STK39: variants seen among roughly 807,000 people sequenced by gnomAD.
STK39 encodes STE20/SPS1-related proline-alanine-rich protein kinase.
STK39 carries 20 observed loss-of-function variants against 77.8 expected under a neutral mutation model. The observed-to-expected ratio is 0.26, with a 90% CI of 0.18 to 0.37. The LOEUF (loss-of-function observed/expected upper bound fraction) is 0.37. Among genes scored for constraint, STK39 ranks in the 10% least tolerant of loss-of-function variants. The pLI is 1.00. For missense variants in STK39, 479 were observed against 656.5 expected (o/e 0.73, Z 2.95); for synonymous variants, 246 against 234.1 (o/e 1.05, Z -0.47).
chr2:168,040,705 G>C (rs1685081252), intron 14 of STK39, among the ~76,000 whole-genome samples: 1 of 152,028 alleles, frequency 6.6e-6, no homozygotes, highest in Non-Finnish European at 1.5e-5. Context: ...CAAGCATATG[G>C]CATCTTCATA....
chr2:168,025,328 T>C (rs571680369), intron 14 of STK39, among the ~76,000 whole-genome samples: 1 of 152,350 alleles, frequency 6.6e-6, no homozygotes, highest in Non-Finnish European at 1.5e-5. Flanking sequence ...AAACGGAATG[T>C]ATCACTTTTC....
chr2:168,065,270 G>T, intron 13 of STK39, 49 bp downstream of exon 13: 2 of 1,593,734 alleles, frequency 1.3e-6, no homozygotes, highest in Admixed American at 1.7e-5. Flanking sequence ...TTTTTTAAAG[G>T]ATCTGTCTAC....
chr2:168,202,946 G>A (rs1279124248), intron 1 of STK39, among the ~76,000 whole-genome samples: 2 of 152,138 alleles, frequency 1.3e-5, no homozygotes, highest in Non-Finnish European at 2.9e-5. Context: ...TGCTGCCATG[G>A]AGGTTACAGA....
At chr2:167,986,759 C>T (rs79687838) in intron 16 of STK39, among the ~76,000 whole-genome samples, 4,782 of 152,202 alleles carry the variant, frequency 0.031, 245 homozygotes, top group East Asian at 0.21. Context: ...AGGTAGCTTC[C>T]TACCCATGTA....
chr2:168,103,337 T>C (rs939173129), intron 10 of STK39, among the ~76,000 whole-genome samples: 1 of 152,214 alleles, frequency 6.6e-6, no homozygotes, highest in African/African-American at 2.4e-5. Flanking sequence ...CTCGAATCTT[T>C]TCTGAAATAG....
chr2:168,030,293 A>AT (rs143840248), intron 14 of STK39, among the ~76,000 whole-genome samples: 1 of 151,826 alleles, frequency 6.6e-6, no homozygotes, highest in Non-Finnish European at 1.5e-5. Flanking sequence ...GGAAGAAGTA[A>AT]TTTTTTTTGC....
At chr2:168,058,056 CTA>C (rs1364607851) in intron 14 of STK39, among the ~76,000 whole-genome samples, 2 of 152,156 alleles carry the variant, frequency 1.3e-5, no homozygotes, top group African/African-American at 4.8e-5. Flanking sequence ...TCTCATTGAG[CTA>C]TCACTCCACA....
intron 1 of STK39, among the ~76,000 whole-genome samples, chr2:168,234,498 G>A (rs1690547285): frequency 6.6e-6 from 1 of 152,094 alleles, no homozygotes; most frequent in Non-Finnish European, 1.5e-5. Context: ...CCGCATAAGG[G>A]ACCACCTCTC....
chr2:168,247,568 G>GT lies in STK39; in HGVS notation c.-134_-133insA. ...GCCCGCCGCCGCCGCCGCCGTCCCC[G>GT]CCGAAGCCAGCTAGGAGGGGAGGGA... On this transcript the variant is annotated 5_prime_UTR_variant, in exon 1 of 18. Transcript: ENST00000355999. 1 of 694,948 alleles carries GT rather than the reference G, an allele frequency of 1.4e-6. No individual in the cohort carries two copies. Among genetic ancestry groups the GT allele is most frequent in the Non-Finnish European group, 1.9e-6 (1 of 537,358 alleles). The allele number at this position is 694,948 out of a possible 1,614,324, so 43.0% of individuals were successfully genotyped here. A position where few individuals can be genotyped will look rare whatever the true frequency, so the allele number is the denominator to read the frequency against.
intron 17 of STK39, among the ~76,000 whole-genome samples, chr2:167,961,834 T>C (rs1176495754): frequency 6.6e-6 from 1 of 152,206 alleles, no homozygotes; most frequent in Non-Finnish European, 1.5e-5. Flanking sequence ...TAAGAATATC[T>C]GTCGTAAGAC....
chr2:167,969,040 C>T (rs756302076), intron 16 of STK39, among the ~76,000 whole-genome samples: 4 of 152,128 alleles, frequency 2.6e-5, no homozygotes, highest in South Asian at 2.1e-4. Flanking sequence ...CCTTCCTGAA[C>T]GAAGTTCACT....
intron 1 of STK39, among the ~76,000 whole-genome samples, chr2:168,212,927 A>C (rs1207886620): frequency 6.6e-6 from 1 of 152,222 alleles, no homozygotes; most frequent in Non-Finnish European, 1.5e-5. Flanking sequence ...ATAAAGCAGA[A>C]GAGTATAGAC....
intron 14 of STK39, among the ~76,000 whole-genome samples, chr2:168,049,431 T>G (rs1399971083): frequency 6.6e-6 from 1 of 152,182 alleles, no homozygotes; most frequent in African/African-American, 2.4e-5. Flanking sequence ...TATCTGCCAA[T>G]CAATATTTCT....
intron 14 of STK39, among the ~76,000 whole-genome samples, chr2:168,032,760 G>T (rs17780260): frequency 6.6e-6 from 1 of 151,972 alleles, no homozygotes; most frequent in Non-Finnish European, 1.5e-5. Flanking sequence ...GTGCCCCTGC[G>T]ACTGGAGAGA....
intron 16 of STK39, among the ~76,000 whole-genome samples, chr2:168,010,279 C>G (rs1387408670): frequency 6.6e-6 from 1 of 152,172 alleles, no homozygotes; most frequent in Non-Finnish European, 1.5e-5. Flanking sequence ...CCTGATCTAG[C>G]CATTAATTAA....
chr2:168,235,182 C>T (rs1690568030), intron 1 of STK39, among the ~76,000 whole-genome samples: 1 of 152,002 alleles, frequency 6.6e-6, no homozygotes, highest in African/African-American at 2.4e-5. Context: ...GGATTACAGG[C>T]ATGTGCCACC....
intron 10 of STK39, among the ~76,000 whole-genome samples, chr2:168,124,459 G>A (rs985068384): frequency 2.6e-5 from 4 of 152,164 alleles, no homozygotes; most frequent in Non-Finnish European, 5.9e-5. Context: ...AGAGTGCAGT[G>A]TCACGATCCT....
intron 16 of STK39, among the ~76,000 whole-genome samples, chr2:168,003,376 C>T (rs1174544142): frequency 6.6e-6 from 1 of 152,138 alleles, no homozygotes; most frequent in African/African-American, 2.4e-5. Context: ...ATTAGATAGT[C>T]CAGCCTATCA....
chr2:168,206,597 G>C (rs571868718), intron 1 of STK39, among the ~76,000 whole-genome samples: 1 of 152,060 alleles, frequency 6.6e-6, no homozygotes, highest in Admixed American at 6.5e-5. Flanking sequence ...CACCACGCCC[G>C]GCTGAGATCT....
Sources: gnomAD v4.1 joint callset for allele counts (sites outside exome capture counted in the v4.1 genomes callset) on GRCh38, gnomAD v4.1.1 for gene constraint, MANE v1.5 for transcripts, NCBI Gene and HGNC (gene_info 2026-07-23, HGNC 2026-07-21) for gene names.